AFF1: variants seen among roughly 807,000 people sequenced by gnomAD.
AFF1 encodes the protein AF4/FMR2 family member 1.
Under a neutral mutation model 121.7 loss-of-function variants are expected in AFF1, and 48 were observed. That is an observed-to-expected ratio of 0.39 (90% CI 0.31 to 0.50). The LOEUF (loss-of-function observed/expected upper bound fraction) is 0.50. Ranked by LOEUF, AFF1 falls within the 20% of genes least tolerant of loss-of-function variation. AFF1 has a pLI of 0.76. For missense variants in AFF1, 1,523 were observed against 1,511.7 expected, an observed-to-expected ratio of 1.01 and a Z score of -0.12; for synonymous variants, 613 against 563.0, an observed-to-expected ratio of 1.09 and a Z score of -1.26.
intron 4 of AFF1, among the ~76,000 whole-genome samples, chr4:87,080,096 G>A (rs1390371799): frequency 6.6e-6 from 1 of 152,172 alleles, no homozygotes; most frequent in Non-Finnish European, 1.5e-5. Flanking sequence ...CAGGAGGAAA[G>A]TGTGGTCTCT....
At chr4:87,071,264 A>G (rs761072581) in intron 4 of AFF1, among the ~76,000 whole-genome samples, 4 of 150,286 alleles carry the variant, frequency 2.7e-5, no homozygotes, top group Non-Finnish European at 5.9e-5. Flanking sequence ...TTGGTAAATT[A>G]TTTATTAAGG....
chr4:87,105,774 C>T (rs1270430091), intron 9 of AFF1, 34 bp from the exon 10 acceptor site: 6 of 1,613,824 alleles, frequency 3.7e-6, no homozygotes, highest in Non-Finnish European at 5.1e-6. Context: ...TTGTTCTTTT[C>T]CTGGTCTTTC....
At chr4:87,134,752 C>T in intron 20 of AFF1, 58 bp downstream of exon 20, 3 of 1,396,652 alleles carry the variant, frequency 2.1e-6, no homozygotes, top group Middle Eastern at 1.8e-4. Context: ...GAGGAATAAA[C>T]ATTGGTTTAT....
intron 2 of AFF1, among the ~76,000 whole-genome samples, chr4:87,010,513 G>T (rs1726631587): frequency 6.6e-6 from 1 of 152,196 alleles, no homozygotes; most frequent in Non-Finnish European, 1.5e-5. Flanking sequence ...AATAGTTACA[G>T]AACATGGCTT....
chr4:87,137,362 C>A lies in AFF1; in HGVS notation c.*1661C>A. On this transcript the variant is annotated 3_prime_UTR_variant, in exon 21 of 21. Transcript: ENST00000395146. ...GATCCCTATGATGAATGCAGGAACT[C>A]TCTTGGTAGTTTGTAAATACACAAA... 4.4e-6 allele frequency: 1 copy of A among 229,144 alleles called. No homozygotes were observed. Among genetic ancestry groups the A allele is most frequent in the East Asian group, 6.2e-5 (1 of 16,012 alleles). 14.2% of individuals were successfully genotyped at this position (229,144 alleles called of 1,614,324 possible). A position where few individuals can be genotyped will look rare whatever the true frequency, so the allele number is the denominator to read the frequency against.
rs561692899 is a variant in AFF1, at chr4:87,076,254, A to G, written c.1060-7866A>G. On this transcript the variant is annotated intron_variant, in intron 4 of 20. Coordinates refer to ENST00000395146, the MANE Select transcript of AFF1 (RefSeq NM_001166693.3). ...AGAGATTCCTCATTATTTTAAAATAATCTTTTTTATCCACCTTATTTCTCC... is the reference window on the plus strand; with the variant it reads ...AGAGATTCCTCATTATTTTAAAATAGTCTTTTTTATCCACCTTATTTCTCC... 1.3e-3 allele frequency among the ~76,000 whole-genome samples: 153 copies of G among 121,576 alleles called. 1 individual carries two copies. Among genetic ancestry groups the G allele is most frequent in the Non-Finnish European group, 2.2e-3 (127 of 56,706 alleles). 79.8% of individuals were successfully genotyped at this position (121,576 alleles called of 152,430 possible). A position where few individuals can be genotyped will look rare whatever the true frequency, so the allele number is the denominator to read the frequency against.
chr4:87,010,628 A>G (rs1201945295), intron 2 of AFF1, among the ~76,000 whole-genome samples: 5 of 152,198 alleles, frequency 3.3e-5, no homozygotes, highest in African/African-American at 9.6e-5. Context: ...TTTTCCTGCA[A>G]GAATTAACAG....
chr4:86,949,754 A>C (rs1289092748), intron 2 of AFF1: 1 of 1,610,946 alleles, frequency 6.2e-7, no homozygotes, highest in African/African-American at 1.3e-5. Flanking sequence ...CTTGGCCCAG[A>C]TGGTCATCTG....
chr4:86,950,424 C>T (rs1721227878), intron 2 of AFF1, among the ~76,000 whole-genome samples: 1 of 152,228 alleles, frequency 6.6e-6, no homozygotes, highest in African/African-American at 2.4e-5. Context: ...CCTGCCTTGG[C>T]CTCCCAAAGT....
rs906815026 is a variant in AFF1 at position 86,948,523 on chromosome 4, G to T, written c.-11G>T. On this transcript the variant is annotated 5_prime_UTR_variant, in exon 2 of 21. The change abolishes the stop of an existing upstream ORF in the 5' untranslated region. Transcript: ENST00000395146. ...ATGAACAGACTAGCCACTTTGCATT[G>T]ACTGGAAACAATGGCATTTACAGAA... is the stretch of plus-strand genomic sequence containing the variant. The T allele has an allele frequency of 2.0e-6, 3 of 1,536,546 alleles. No individual in the cohort carries two copies. Among genetic ancestry groups the T allele is most frequent in the South Asian group, 1.2e-5 (1 of 83,984 alleles).
At chr4:87,007,075 C>T in intron 2 of AFF1, 1 of 1,221,216 alleles carries the variant, frequency 8.2e-7, no homozygotes, top group Non-Finnish European at 1.0e-6. Context: ...GCGTGGGGGC[C>T]CGCTGGCTTT....
intron 4 of AFF1, among the ~76,000 whole-genome samples, chr4:87,077,147 G>A (rs572615789): frequency 6.6e-6 from 1 of 152,308 alleles, no homozygotes; most frequent in African/African-American, 2.4e-5. Context: ...AGGAGAGCGA[G>A]AATAAAAAAC....
Position 87,137,396 on chromosome 4 carries a change from T to C in AFF1, c.*1695T>C, listed in dbSNP as rs1231973013. 1 of 230,128 alleles carries C rather than the reference T, an allele frequency of 4.3e-6. No homozygotes were observed. The highest frequency in any genetic ancestry group is 8.6e-6 in the Non-Finnish European group (1 of 115,948). 14.3% of individuals were successfully genotyped at this position (230,128 alleles called of 1,614,324 possible). Reference sequence around the variant, plus strand: ...GTTTGTAAATACACAAAGGGATGTGTCGAGGGATGGGAGCGATGCTTATCT... The same window carrying C: ...GTTTGTAAATACACAAAGGGATGTGCCGAGGGATGGGAGCGATGCTTATCT... On this transcript the variant is annotated 3_prime_UTR_variant, in exon 21 of 21. Transcript: ENST00000395146.
At chr4:87,091,021 C>CAAAAAAAAAAAAAA (rs72486264) in intron 6 of AFF1, among the ~76,000 whole-genome samples, 1 of 64,844 alleles carries the variant, frequency 1.5e-5, no homozygotes, top group African/African-American at 5.7e-5. Context: ...TCTCTACCAC[C>CAAAAAAAAAAAAAA]AAAAAAAAAA....
At chr4:87,089,171 G>T (rs528594966) in intron 5 of AFF1, among the ~76,000 whole-genome samples, 1 of 152,312 alleles carries the variant, frequency 6.6e-6, no homozygotes, top group South Asian at 2.1e-4. Context: ...TGTTGGGGTT[G>T]TAGTTAATGG....
intron 2 of AFF1, among the ~76,000 whole-genome samples, chr4:86,982,354 A>AG (rs1723816043): frequency 6.6e-6 from 1 of 151,490 alleles, no homozygotes; most frequent in South Asian, 2.1e-4. Flanking sequence ...TATGACAAGA[A>AG]GAAGGCAAGC....
intron 2 of AFF1, among the ~76,000 whole-genome samples, chr4:86,962,764 G>A (rs2149469464): frequency 6.6e-6 from 1 of 151,974 alleles, no homozygotes; most frequent in East Asian, 1.9e-4. Context: ...TAAGAGTTTG[G>A]GTAATTTGAA....
At chr4:86,947,390 C>T (rs779412173) in intron 1 of AFF1, among the ~76,000 whole-genome samples, 2 of 152,084 alleles carry the variant, frequency 1.3e-5, no homozygotes, top group African/African-American at 2.4e-5. Context: ...AAGACCTTAT[C>T]GGGAGTAAGA....
chr4:87,083,994 C>A, intron 4 of AFF1, 126 bp from the exon 5 acceptor site: 1 of 823,868 alleles, frequency 1.2e-6, no homozygotes, highest in Non-Finnish European at 2.0e-6. Context: ...ATGTAAAGTT[C>A]TTAATACTTA....
Sources: allele counts gnomAD v4.1 joint callset (sites outside exome capture counted in the v4.1 genomes callset), GRCh38; gene constraint gnomAD v4.1.1; transcripts MANE v1.5; gene names NCBI Gene and HGNC (gene_info 2026-07-23, HGNC 2026-07-21).